PMM2: variants seen among roughly 807,000 people sequenced by gnomAD.
The protein encoded by PMM2 is mannose-6-phosphate isomerase.
In PMM2, 35 loss-of-function variants were observed where a neutral mutation model predicts 33.2. That is an observed-to-expected ratio of 1.06 (90% CI 0.81 to 1.40). The LOEUF (loss-of-function observed/expected upper bound fraction) is 1.40, where lower values mean the gene tolerates loss of function less well. Ranked by LOEUF, PMM2 falls within the 40% of genes most tolerant of loss-of-function variation. PMM2 has a pLI of 0.00. For synonymous variants in PMM2, 153 were observed against 114.7 expected, an observed-to-expected ratio of 1.33 and a Z score of -2.13; for missense variants, 386 against 306.0, an observed-to-expected ratio of 1.26 and a Z score of -1.95.
rs2060940631 is a variant in PMM2, at chr16:8,848,106, A to T, written c.*281A>T. The T allele has an allele frequency of 4.8e-6, 2 of 419,712 alleles. No homozygotes were observed. The highest frequency in any genetic ancestry group is 4.8e-5 in the East Asian group (1 of 20,772). 26.0% of individuals were successfully genotyped at this position (419,712 alleles called of 1,614,324 possible). ...GTCTAATACCCACCCTGATACGTGC[A>T]ATCATGTAGTTTTGGCGGAAATTTC... On this transcript the variant is annotated 3_prime_UTR_variant, in exon 8 of 8. Transcript: ENST00000268261.
intron 7 of PMM2, among the ~76,000 whole-genome samples, chr16:8,844,775 T>C (rs2060913999): frequency 2.0e-5 from 3 of 152,076 alleles, no homozygotes; most frequent in African/African-American, 7.2e-5. Flanking sequence ...ATGAAAGGAA[T>C]TGAAATTAAG....
At chr16:8,830,671 A>C (rs954188825) in intron 7 of PMM2, among the ~76,000 whole-genome samples, 7 of 152,206 alleles carry the variant, frequency 4.6e-5, no homozygotes, top group African/African-American at 1.7e-4. Flanking sequence ...TTTACAAGCG[A>C]TGTTATTCTC....
intron 7 of PMM2, among the ~76,000 whole-genome samples, chr16:8,826,832 TCA>T (rs1396968643): frequency 6.6e-6 from 1 of 152,208 alleles, no homozygotes; most frequent in Non-Finnish European, 1.5e-5. Flanking sequence ...TTGTCACGAC[TCA>T]CAGAGACCAT....
chr16:8,802,282 T>C, intron 2 of PMM2: 1 of 455,534 alleles, frequency 2.2e-6, no homozygotes, highest in Non-Finnish European at 4.4e-6. Context: ...TCCCCATCAC[T>C]GAAACAGAAT....
At chr16:8,844,225 T>C (rs1175032917) in intron 7 of PMM2, among the ~76,000 whole-genome samples, 1 of 152,066 alleles carries the variant, frequency 6.6e-6, no homozygotes, top group African/African-American at 2.4e-5. Context: ...TGAAGAGGTT[T>C]TAAGTTCTTG....
In PMM2 at chr16:8,806,512, A is replaced by C. The variant is rs2060649303; in HGVS notation, c.347+105A>C. 6 of 796,334 alleles carry C rather than the reference A, an allele frequency of 7.5e-6. No homozygotes were observed. The South Asian group carries it at 8.4e-5, about 11-fold the overall frequency. 49.3% of individuals were successfully genotyped at this position (796,334 alleles called of 1,614,324 possible). On this transcript the variant is annotated intron_variant, in intron 4 of 7. Transcript: ENST00000268261. ...ATAGGATTATAAAAATCACCTAAAG[A>C]GTTTTAAAAACAAAGTCTGATATTT...
intron 7 of PMM2, among the ~76,000 whole-genome samples, chr16:8,827,210 TC>T (rs1316263898): frequency 6.6e-6 from 1 of 150,938 alleles, no homozygotes; most frequent in Non-Finnish European, 1.5e-5. Flanking sequence ...TCCCAAGGAG[TC>T]CCCAGCTGTC....
rs143674103 is a variant in PMM2, at chr16:8,836,869, A to T, written c.640-10855A>T. On this transcript the variant is annotated intron_variant, in intron 7 of 7. Coordinates refer to ENST00000268261, the MANE Select transcript of PMM2 (RefSeq NM_000303.3). Reference sequence around the variant, plus strand: ...CGCTATCTGATTTGGGATAAAGAAAAAGGAGCATTAACTTTGACTATGCCT... The same window carrying T: ...CGCTATCTGATTTGGGATAAAGAAATAGGAGCATTAACTTTGACTATGCCT... 1.9e-4 allele frequency among the ~76,000 whole-genome samples: 29 copies of T among 152,166 alleles called. No individual in the cohort carries two copies. In the East Asian group the frequency reaches 5.6e-3, roughly 29 times the overall value.
intron 7 of PMM2, among the ~76,000 whole-genome samples, chr16:8,834,220 G>T (rs2060829179): frequency 6.6e-6 from 1 of 152,176 alleles, no homozygotes; most frequent in Non-Finnish European, 1.5e-5. Context: ...GGCTGAGCTT[G>T]GTGAGGTGTG....
chr16:8,810,961 A>G (rs1263573180), intron 4 of PMM2, 118 bp from the exon 5 acceptor site: 2 of 717,024 alleles, frequency 2.8e-6, no homozygotes, highest in African/African-American at 3.5e-5. Flanking sequence ...AGAGCTGAGA[A>G]ACATTGACCA....
rs992430383 is a variant in PMM2, at chr16:8,836,087, A to T, written c.640-11637A>T. 1.3e-4 allele frequency among the ~76,000 whole-genome samples: 19 copies of T among 151,740 alleles called. No individual in the cohort carries two copies. The East Asian group carries it at 1.6e-3, about 12-fold the overall frequency. On this transcript the variant is annotated intron_variant, in intron 7 of 7. Coordinates refer to ENST00000268261, the MANE Select transcript of PMM2 (RefSeq NM_000303.3). ...AGAGTTGGGGAGTTTTAAGAGGTTT[A>T]GAAGCCTGGCCGTCAATACCCACAA...
At chr16:8,840,701 A>C (rs905299481) in intron 7 of PMM2, among the ~76,000 whole-genome samples, 2 of 151,526 alleles carry the variant, frequency 1.3e-5, no homozygotes, top group African/African-American at 4.9e-5. Context: ...TCCGATGGAC[A>C]CAGCTTTATT....
chr16:8,823,767 G>A (rs1248123047), intron 7 of PMM2, among the ~76,000 whole-genome samples: 1 of 151,976 alleles, frequency 6.6e-6, no homozygotes, highest in African/African-American at 2.4e-5. Context: ...GGGGCTCCTG[G>A]GCCTGTCAAA....
At chr16:8,814,898 T>C (rs976644419) in intron 7 of PMM2, among the ~76,000 whole-genome samples, 19 of 152,230 alleles carry the variant, frequency 1.2e-4, no homozygotes, top group African/African-American at 4.6e-4. Context: ...TTGTTAACTA[T>C]AGGCACTTCT....
At chr16:8,814,913 G>C (rs57112132) in intron 7 of PMM2, among the ~76,000 whole-genome samples, 34,661 of 152,026 alleles carry the variant, frequency 0.23, 4,337 homozygotes, top group South Asian at 0.34. Context: ...ACTTCTGTTT[G>C]TCCAACAGAT....
intron 7 of PMM2, among the ~76,000 whole-genome samples, chr16:8,826,270 C>G (rs886859459): frequency 3.3e-5 from 5 of 152,164 alleles, no homozygotes; most frequent in Non-Finnish European, 4.4e-5. Context: ...TCTTTAAACT[C>G]TCTAAATTAG....
chr16:8,808,006 C>G (rs1404444187), intron 4 of PMM2: 1 of 152,060 alleles, frequency 6.6e-6, no homozygotes, highest in Non-Finnish European at 1.5e-5. Context: ...CATTTTTACC[C>G]CCAGTTTTCA....
chr16:8,801,965 A>G (rs1382557508), intron 2 of PMM2, 55 bp downstream of exon 2: 38 of 1,250,716 alleles, frequency 3.0e-5, no homozygotes, highest in Non-Finnish European at 4.2e-5. Flanking sequence ...TTATGAGGAT[A>G]TTGTTGCCAA....
chr16:8,821,472 GT>G (rs1441549878), intron 7 of PMM2, among the ~76,000 whole-genome samples: 4 of 152,244 alleles, frequency 2.6e-5, no homozygotes. Context: ...GCCTGTGTCT[GT>G]GCTGAAGCTC....
Sources: gnomAD v4.1 joint callset for allele counts (sites outside exome capture counted in the v4.1 genomes callset) on GRCh38, gnomAD v4.1.1 for gene constraint, MANE v1.5 for transcripts, NCBI Gene and HGNC (gene_info 2026-07-23, HGNC 2026-07-21) for gene names.